The following AZIN1 variants were observed in gnomAD, a reference collection of about 807,000 sequenced individuals.
AZIN1 encodes the protein ornithine decarboxylase antizyme inhibitor.
AZIN1 carries 12 observed loss-of-function variants against 47.4 expected under a neutral mutation model. That is an observed-to-expected ratio of 0.25 (90% CI 0.16 to 0.41). The LOEUF (loss-of-function observed/expected upper bound fraction) is 0.41, where lower values mean the gene tolerates loss of function less well. Ranked by LOEUF, AZIN1 falls within the 10% of genes least tolerant of loss-of-function variation. The pLI, the probability that AZIN1 is intolerant of heterozygous loss-of-function variation, is 1.00. For synonymous variants in AZIN1, 155 were observed against 176.3 expected, an observed-to-expected ratio of 0.88 and a Z score of 0.96; for missense variants, 410 against 532.4, an observed-to-expected ratio of 0.77 and a Z score of 2.26.
chr8:102,843,036 C>CT (rs1812319320), intron 3 of AZIN1, among the ~76,000 whole-genome samples: 2 of 151,842 alleles, frequency 1.3e-5, no homozygotes, highest in Admixed American at 1.3e-4. Flanking sequence ...GGCGAAACCT[C>CT]GTCTCTACTA....
intron 5 of AZIN1, among the ~76,000 whole-genome samples, chr8:102,836,789 C>G (rs1353231428): frequency 6.6e-6 from 1 of 152,206 alleles, no homozygotes; most frequent in Admixed American, 6.5e-5. Context: ...CTTCAAATTT[C>G]TTTGATTGTG....
chr8:102,839,903 C>T (rs943619153), intron 3 of AZIN1, 80 bp from the exon 4 acceptor site: 2 of 980,540 alleles, frequency 2.0e-6, no homozygotes, highest in African/African-American at 3.3e-5. Context: ...AAGAACACCT[C>T]TTTTCCTCCA....
intron 3 of AZIN1, among the ~76,000 whole-genome samples, chr8:102,840,852 G>A (rs1260802008): frequency 2.6e-5 from 4 of 152,216 alleles, no homozygotes; most frequent in African/African-American, 7.2e-5. Context: ...AATGCAAAAC[G>A]CACATTATGT....
chr8:102,846,536 G>C (rs1812580693), intron 2 of AZIN1, among the ~76,000 whole-genome samples: 1 of 152,068 alleles, frequency 6.6e-6, no homozygotes, highest in African/African-American at 2.4e-5. Flanking sequence ...CTGAGGAATA[G>C]AATAATTAAG....
At chr8:102,841,895 G>GT in intron 3 of AZIN1, among the ~76,000 whole-genome samples, 1 of 151,344 alleles carries the variant, frequency 6.6e-6, no homozygotes, top group Non-Finnish European at 1.5e-5. Context: ...TGGATCACCT[G>GT]AGGTCAGGAG....
At position 102,838,763 on chromosome 8, in the gene AZIN1, G is replaced by C; in HGVS notation, c.430C>G (p.Arg144Gly). ...ACTTACTTGGCATTTGGGTGATTAC[G>C]TGCAATTTTCTTCAATTCAATTTCA... ...DNEIELKKIA[R>G]NHPNAKVLLH... Residue 144 changes from arginine to glycine, a missense_variant, in exon 5 of 12, where the codon CGT becomes GGT. Physicochemically the swap from Arg to Gly is moderately radical, Grantham distance 125 (BLOSUM62 -2). Around this residue, in one of 3 missense-constraint regions of AZIN1, gnomAD observed 237 missense variants for 309.4 expected, o/e 0.77. Coordinates refer to ENST00000337198, the MANE Select transcript of AZIN1 (RefSeq NM_148174.4). The C allele has an allele frequency of 6.2e-7, 1 of 1,612,078 alleles. No homozygotes were observed. The highest frequency in any genetic ancestry group is 8.5e-7 in the Non-Finnish European group (1 of 1,179,182).
intron 1 of AZIN1, among the ~76,000 whole-genome samples, chr8:102,862,826 G>A (rs1813774843): frequency 1.3e-5 from 2 of 152,190 alleles, no homozygotes; most frequent in South Asian, 4.1e-4. Context: ...GGTAAACTGT[G>A]TCCCCGACTG....
chr8:102,839,812 AT>A lies in AZIN1; in HGVS notation c.113del (p.Asn38MetfsTer12). The A allele has an allele frequency of 6.3e-7, 1 of 1,595,046 alleles. No homozygotes were observed. Among genetic ancestry groups the A allele is most frequent in the Non-Finnish European group, 8.5e-7 (1 of 1,172,452 alleles). ...YVYEHTLTGKNAFFVGDLGKI... is the reference protein window; with the variant it reads ...YVYEHTLTGKXAFFVGDLGKI... ...TTCCAAGATCTCCCACAAAAAATGC[AT>A]TTTTCCCTGTCTATTATGGTTATAA... On this transcript the variant is annotated frameshift_variant, in exon 4 of 12. Transcript: ENST00000337198. LOFTEE classifies it high-confidence loss of function.
chr8:102,857,231 C>T (rs1173548488), intron 2 of AZIN1, among the ~76,000 whole-genome samples: 5 of 152,082 alleles, frequency 3.3e-5, no homozygotes, highest in Admixed American at 3.3e-4. Context: ...ACACTTTTAT[C>T]GAATAGGGAT....
intron 4 of AZIN1, 35 bp downstream of exon 4, chr8:102,839,615 T>G: frequency 7.0e-7 from 1 of 1,432,628 alleles, no homozygotes. Context: ...AATTATTCAA[T>G]GTTTCAGTTT....
chr8:102,831,447 A>C (rs1238579388), intron 9 of AZIN1, among the ~76,000 whole-genome samples: 1 of 151,394 alleles, frequency 6.6e-6, no homozygotes, highest in Non-Finnish European at 1.5e-5. Flanking sequence ...CACAACCTTA[A>C]ACAAGTGCTC....
intron 2 of AZIN1, among the ~76,000 whole-genome samples, chr8:102,857,548 T>C (rs1586208220): frequency 6.6e-6 from 1 of 152,202 alleles, no homozygotes; most frequent in African/African-American, 2.4e-5. Context: ...ATCTATATTT[T>C]AATACCATAC....
chr8:102,831,772 C>T (rs562060042), intron 9 of AZIN1, among the ~76,000 whole-genome samples: 23 of 151,444 alleles, frequency 1.5e-4, no homozygotes, highest in African/African-American at 4.6e-4. Context: ...AGAAACACGA[C>T]GAAACCCTCT....
At position 102,830,129 on chromosome 8, in the gene AZIN1, T is replaced by C. The variant is rs928488427; in HGVS notation, c.905-193A>G. The stretch of plus-strand genomic sequence containing the variant: ...GGCTGGATGCGGTGGCTCATACCTG[T>C]AATCCTAGCACTTTGTGAGGCTGAG... On this transcript the variant is annotated intron_variant, in intron 9 of 11. Transcript: ENST00000337198. The C allele has an allele frequency of 1.3e-5, 6 of 472,556 alleles. No individual in the cohort carries two copies. In the East Asian group the frequency reaches 2.0e-4, roughly 15 times the overall value. 29.3% of individuals were successfully genotyped at this position (472,556 alleles called of 1,614,324 possible). A position where few individuals can be genotyped will look rare whatever the true frequency, so the allele number is the denominator to read the frequency against.
chr8:102,843,696 AC>A lies in AZIN1; in HGVS notation c.-45del. ...AGCCGAAAGTCATAAACCAGGAAAG[AC>A]AAGAGACGGGCCACCAAGCCTATGT... On this transcript the variant is annotated 5_prime_UTR_variant, in exon 3 of 12. Coordinates refer to ENST00000337198, the MANE Select transcript of AZIN1 (RefSeq NM_148174.4). 6.2e-7 allele frequency: 1 copy of A among 1,611,462 alleles called. No individual in the cohort carries two copies. Among genetic ancestry groups the A allele is most frequent in the Non-Finnish European group, 8.5e-7 (1 of 1,178,848 alleles).
chr8:102,830,625 CAG>C (rs1329315529), intron 9 of AZIN1, among the ~76,000 whole-genome samples: 1 of 143,106 alleles, frequency 7.0e-6, no homozygotes, highest in African/African-American at 2.6e-5. Context: ...GCCTGGATAA[CAG>C]AGCAAAAACC....
chr8:102,830,059 T>C, intron 9 of AZIN1, 123 bp from the exon 10 acceptor site: 1 of 684,326 alleles, frequency 1.5e-6, no homozygotes. Context: ...AGCACGCATT[T>C]CACAAAGGAA....
chr8:102,837,377 A>G (rs1308023335), intron 5 of AZIN1, among the ~76,000 whole-genome samples: 2 of 152,244 alleles, frequency 1.3e-5, no homozygotes, highest in Non-Finnish European at 2.9e-5. Context: ...AGTAATTACA[A>G]ACTGCTAGAA....
intron 1 of AZIN1, among the ~76,000 whole-genome samples, chr8:102,861,032 T>C (rs1312707744): frequency 6.6e-6 from 1 of 151,966 alleles, no homozygotes; most frequent in East Asian, 1.9e-4. Context: ...GAAAAAGACA[T>C]TAAAGAAAAA....
Sources: allele counts gnomAD v4.1 joint callset (sites outside exome capture counted in the v4.1 genomes callset), GRCh38; gene constraint gnomAD v4.1.1; regional missense constraint gnomAD v4.1.1; transcripts MANE v1.5; gene names NCBI Gene and HGNC (gene_info 2026-07-23, HGNC 2026-07-21).